Variants in ADAM12 observed in about 807,000 individuals in gnomAD.
The protein encoded by ADAM12 is disintegrin and metalloproteinase domain-containing protein 12.
Under a neutral mutation model 106.4 loss-of-function variants are expected in ADAM12, and 70 were observed. The ratio of observed to expected loss-of-function variants is 0.66; its 90% CI spans 0.54 to 0.80. The LOEUF is 0.80. ADAM12 is among the 30% of genes least tolerant of loss of function. The probability of loss-of-function intolerance (pLI) is 0.00; values close to 1 mark genes in which losing one functional copy is unlikely to be tolerated. For missense variants in ADAM12, 1,010 were observed against 1,171.9 expected (o/e 0.86, Z 2.02); for synonymous variants, 420 against 433.5 (o/e 0.97, Z 0.39).
At chr10:126,205,696 A>G (rs767961060) in intron 3 of ADAM12, among the ~76,000 whole-genome samples, 12 of 152,246 alleles carry the variant, frequency 7.9e-5, no homozygotes, top group Non-Finnish European at 1.5e-4. Context: ...CCAGGCTAAG[A>G]TATAGAATCT....
chr10:126,297,849 A>G (rs1412583900), intron 2 of ADAM12, among the ~76,000 whole-genome samples: 1 of 152,194 alleles, frequency 6.6e-6, no homozygotes, highest in East Asian at 1.9e-4. Context: ...AGGAATCTGC[A>G]GCTATTAGGA....
At chr10:126,290,856 T>A (rs896539547) in intron 2 of ADAM12, among the ~76,000 whole-genome samples, 3 of 152,196 alleles carry the variant, frequency 2.0e-5, no homozygotes, top group Admixed American at 6.5e-5. Context: ...GTACGACCAA[T>A]CATAGAAGGG....
chr10:126,023,032 G>A (rs1256960840), intron 21 of ADAM12, among the ~76,000 whole-genome samples: 3 of 152,148 alleles, frequency 2.0e-5, no homozygotes, highest in Admixed American at 1.3e-4. Flanking sequence ...CATGGTAAAC[G>A]AGAGTAAACA....
intron 4 of ADAM12, among the ~76,000 whole-genome samples, chr10:126,148,271 A>G (rs1676712): frequency 0.11 from 16,290 of 152,270 alleles, 1,468 homozygotes; most frequent in East Asian, 0.5. Context: ...CTTATTTTAT[A>G]CATAACTTTA....
chr10:126,049,711 A>T lies in ADAM12; in HGVS notation c.1610-42T>A. ...ACTGCATTTTCATCTCCTGCAGGTG[A>T]TTTTTTTTTTTTCATGGCTGTAGGC... On this transcript the variant is annotated intron_variant, in intron 14 of 22. Transcript: ENST00000448723. The surrounding 1 kb of genome is among the most constrained non-coding windows in gnomAD (Gnocchi z 4.4). The T allele has an allele frequency of 7.6e-6, 10 of 1,320,854 alleles. No individual in the cohort carries two copies. Among genetic ancestry groups the T allele is most frequent in the Non-Finnish European group, 1.0e-5 (10 of 957,702 alleles). The allele number at this position is 1,320,854 out of a possible 1,614,324, so 81.8% of individuals were successfully genotyped here.
At chr10:126,054,497 C>T (rs1483509077) in intron 14 of ADAM12, among the ~76,000 whole-genome samples, 1 of 152,204 alleles carries the variant, frequency 6.6e-6, no homozygotes, top group African/African-American at 2.4e-5. Context: ...CAGGGGGAAG[C>T]CTTGTTTTAT....
intron 21 of ADAM12, among the ~76,000 whole-genome samples, chr10:126,020,569 A>G (rs1043619559): frequency 6.6e-6 from 1 of 152,170 alleles, no homozygotes; most frequent in African/African-American, 2.4e-5. Flanking sequence ...AAATGTGGGG[A>G]AAAAGACCTA....
rs1953728911 is a variant in ADAM12 at position 126,019,827 on chromosome 10, T to G, written c.2530-2A>C. On this transcript the variant is annotated splice_acceptor_variant, in intron 21 of 22. Coordinates refer to ENST00000448723, the MANE Select transcript of ADAM12 (RefSeq NM_001288973.2). LOFTEE classifies it high-confidence loss of function. ...AGGGGGGTTTGGCTTACAGGTCCCC[T>G]GCAATAAACATAGGGTTAGGCAGGG... 1.2e-6 allele frequency: 2 copies of G among 1,612,504 alleles called. No homozygotes were observed. The highest frequency in any genetic ancestry group is 1.7e-6 in the Non-Finnish European group (2 of 1,179,290).
intron 4 of ADAM12, among the ~76,000 whole-genome samples, chr10:126,146,007 AAGATGTTTT>A (rs1956620625): frequency 6.6e-6 from 1 of 152,192 alleles, no homozygotes; most frequent in Non-Finnish European, 1.5e-5. Context: ...TACAAATAGA[AAGATGTTTT>A]AGAAGGATCA....
intron 3 of ADAM12, among the ~76,000 whole-genome samples, chr10:126,224,339 C>T (rs1958151405): frequency 6.6e-6 from 1 of 152,198 alleles, no homozygotes; most frequent in Non-Finnish European, 1.5e-5. Context: ...TCCAGCTGGA[C>T]ACACCTCCAG....
rs1344564032 is a variant in ADAM12 at position 126,064,801 on chromosome 10, C to T, written c.1609+5G>A. 6.9e-6 allele frequency: 11 copies of T among 1,598,118 alleles called. No homozygotes were observed. Among genetic ancestry groups the T allele is most frequent in the Admixed American group, 3.4e-5 (2 of 58,648 alleles). ...CCTGATGCCGAGCTTGTGGCGGCCA[C>T]GTACCTGGTCCCCAGAGCGTGACAC... On this transcript the variant is annotated splice_donor_5th_base_variant and intron_variant, in intron 14 of 22. Coordinates refer to ENST00000448723, the MANE Select transcript of ADAM12 (RefSeq NM_001288973.2). This position sits in a 1 kb window ranked among gnomAD's most constrained non-coding sequence, Gnocchi z 4.4.
chr10:126,180,868 T>C (rs1295740200), intron 3 of ADAM12, among the ~76,000 whole-genome samples: 1 of 152,194 alleles, frequency 6.6e-6, no homozygotes, highest in African/African-American at 2.4e-5. Context: ...ATTATACTAA[T>C]ACACTTTCAT....
At chr10:126,140,059 A>T (rs183243250) in intron 4 of ADAM12, among the ~76,000 whole-genome samples, 1 of 152,308 alleles carries the variant, frequency 6.6e-6, no homozygotes, top group Non-Finnish European at 1.5e-5. Context: ...CACGGCAGGC[A>T]TCAAAGCGGA....
At position 126,066,851 on chromosome 10, in the gene ADAM12, T is replaced by C. The variant is rs1419536220; in HGVS notation, c.1324-45A>G. The C allele has an allele frequency of 3.2e-6, 5 of 1,562,256 alleles. No homozygotes were observed. The highest frequency in any genetic ancestry group is 1.4e-5 in the African/African-American group (1 of 73,748). On this transcript the variant is annotated intron_variant, in intron 12 of 22. Transcript: ENST00000448723. This position sits in a 1 kb window ranked among gnomAD's most constrained non-coding sequence, Gnocchi z 5.1. ...TTGTTTGACAGGGTCTTATGGAGTA[T>C]GCACTCACTGAATGCAAACATCACA...
At chr10:126,120,958 TATATTATATATTAC>T (rs1956077187) in intron 5 of ADAM12, among the ~76,000 whole-genome samples, 1 of 137,582 alleles carries the variant, frequency 7.3e-6, no homozygotes, top group Non-Finnish European at 1.5e-5. Context: ...TAATATAATA[TATATTATATATTAC>T]ATATGCAATA....
At chr10:126,260,715 C>A (rs1290826300) in intron 3 of ADAM12, among the ~76,000 whole-genome samples, 2 of 152,086 alleles carry the variant, frequency 1.3e-5, no homozygotes, top group East Asian at 3.9e-4. Context: ...AAACCAGAGA[C>A]CATCAATCTT....
chr10:126,318,180 AAAGG>A (rs992506247), intron 2 of ADAM12, among the ~76,000 whole-genome samples: 5 of 152,078 alleles, frequency 3.3e-5, no homozygotes, highest in Non-Finnish European at 7.4e-5. Context: ...GCAGTGCCAG[AAAGG>A]AAGGAAGTGC....
intron 11 of ADAM12, among the ~76,000 whole-genome samples, chr10:126,074,611 T>C (rs1324395103): frequency 1.3e-5 from 2 of 152,218 alleles, no homozygotes; most frequent in Non-Finnish European, 2.9e-5. Context: ...CTATTTCTAC[T>C]TCCCTTAGCT....
intron 3 of ADAM12, among the ~76,000 whole-genome samples, chr10:126,225,241 A>T (rs532791425): frequency 4.3e-4 from 65 of 152,220 alleles, no homozygotes; most frequent in Non-Finnish European, 7.9e-4. Context: ...AGCACCATGT[A>T]TATGTTTTCT....
Sources: gnomAD v4.1 joint callset for allele counts (sites outside exome capture counted in the v4.1 genomes callset) on GRCh38, gnomAD v4.1.1 for gene constraint, Gnocchi (gnomAD v3.1) non-coding constraint, MANE v1.5 for transcripts, NCBI Gene and HGNC (gene_info 2026-07-23, HGNC 2026-07-21) for gene names.